The following SEMA3A variants were observed in gnomAD, a reference collection of about 807,000 sequenced individuals.
The protein encoded by SEMA3A is semaphorin 3A.
A neutral mutation model predicts 97.9 loss-of-function variants in SEMA3A; 29 were observed. That is an observed-to-expected ratio of 0.30 (90% confidence interval 0.22 to 0.40). SEMA3A has a LOEUF of 0.40. SEMA3A is among the 10% of genes least tolerant of loss of function. The pLI is 1.00. For synonymous variants in SEMA3A, 321 were observed against 323.7 expected, an observed-to-expected ratio of 0.99 and a Z score of 0.09; for missense variants, 763 against 951.3, an observed-to-expected ratio of 0.80 and a Z score of 2.60.
intron 9 of SEMA3A, among the ~76,000 whole-genome samples, chr7:84,008,710 A>C (rs1584540381): frequency 6.6e-6 from 1 of 152,186 alleles, no homozygotes; most frequent in Non-Finnish European, 1.5e-5. Flanking sequence ...AAACTACTGC[A>C]TATAGACAGC....
chr7:84,249,369 A>ATCTC (rs1341488254), intron 3 of SEMA3A, among the ~76,000 whole-genome samples: 2 of 5,036 alleles, frequency 4.0e-4, no homozygotes, highest in Non-Finnish European at 1.3e-3. Context: ...TCTGTCTATC[A>ATCTC]TCTATCTATC....
chr7:84,399,455 C>T (rs1025692131), intron 1 of SEMA3A, among the ~76,000 whole-genome samples: 1 of 152,142 alleles, frequency 6.6e-6, no homozygotes, highest in African/African-American at 2.4e-5. Context: ...CTGCAGTGGC[C>T]ATGGGAGAGC....
intron 1 of SEMA3A, among the ~76,000 whole-genome samples, chr7:84,426,921 G>A (rs934768000): frequency 1.3e-5 from 2 of 152,048 alleles, no homozygotes; most frequent in Non-Finnish European, 2.9e-5. Context: ...ACACAGTAAA[G>A]TAAAATGTTA....
rs779541929 is a variant in SEMA3A at position 84,427,368 on chromosome 7, T to A, written c.-245-55468A>T. The stretch of plus-strand genomic sequence containing the variant: ...AAACTTTATATAATTGTAGTGAAGA[T>A]TCGACATGAAAAACATTTTGATGTA... On this transcript the variant is annotated intron_variant, in intron 1 of 3. Transcript: ENST00000424555. 7.2e-5 allele frequency among the ~76,000 whole-genome samples: 11 copies of A among 152,172 alleles called. No individual in the cohort carries two copies. In the South Asian group the frequency reaches 2.3e-3, roughly 32 times the overall value.
intron 6 of SEMA3A, among the ~76,000 whole-genome samples, chr7:84,026,160 C>A (rs1327564546): frequency 6.6e-6 from 1 of 152,110 alleles, no homozygotes; most frequent in Admixed American, 6.6e-5. Context: ...ATTGGACTTA[C>A]AAGCATAAAT....
chr7:84,374,157 T>A lies in SEMA3A; in HGVS notation c.-245-2257A>T, dbSNP rs571987778. On this transcript the variant is annotated intron_variant, in intron 1 of 3. Transcript: ENST00000424555. Reference sequence around the variant, plus strand: ...CTCATGCAAACTTTAAGACACTGCATGTCAATGAGAACAAAAGTTGGTAAT... The same window carrying A: ...CTCATGCAAACTTTAAGACACTGCAAGTCAATGAGAACAAAAGTTGGTAAT... Among the ~76,000 whole-genome samples, 11 of 152,304 alleles carry A rather than the reference T, an allele frequency of 7.2e-5. No individual in the cohort carries two copies. In the South Asian group the frequency reaches 2.3e-3, roughly 32 times the overall value.
chr7:84,041,500 CTAT>C (rs1196488551), intron 6 of SEMA3A, among the ~76,000 whole-genome samples: 2 of 152,020 alleles, frequency 1.3e-5, no homozygotes, highest in Admixed American at 6.6e-5. Flanking sequence ...ATAGACATAA[CTAT>C]TATTCTAAAG....
At chr7:84,041,717 T>C (rs1191762936) in intron 6 of SEMA3A, among the ~76,000 whole-genome samples, 1 of 152,108 alleles carries the variant, frequency 6.6e-6, no homozygotes, top group African/African-American at 2.4e-5. Flanking sequence ...AGGACCTTTG[T>C]TGTTGCTGTT....
chr7:84,274,741 C>T (rs1208379099), intron 3 of SEMA3A, among the ~76,000 whole-genome samples: 18 of 151,932 alleles, frequency 1.2e-4, no homozygotes, highest in Admixed American at 1.1e-3. Flanking sequence ...GATTTATTTT[C>T]CAAACAGGGC....
Position 84,411,747 on chromosome 7 carries a change from C to A in SEMA3A, c.-245-39847G>T, listed in dbSNP as rs77528661. On this transcript the variant is annotated intron_variant, in intron 1 of 3. Coordinates refer to the SEMA3A transcript ENST00000424555. Reference sequence around the variant, plus strand: ...GGCATTTTTTATTTTCTCCTGGCAACATGAAACAGCTGGGTTTAAACAACA... The same window carrying A: ...GGCATTTTTTATTTTCTCCTGGCAAAATGAAACAGCTGGGTTTAAACAACA... Among the ~76,000 whole-genome samples, 2,052 of 152,046 alleles carry A rather than the reference C, an allele frequency of 0.013. 94 individuals carry two copies. The East Asian group carries it at 0.16, about 12-fold the overall frequency.
Position 84,028,789 on chromosome 7 carries a change from T to A in SEMA3A, c.668-14438A>T, listed in dbSNP as rs143051851. Among the ~76,000 whole-genome samples the A allele has an allele frequency of 1.5e-3, 221 of 152,064 alleles. 2 individuals carry two copies. The East Asian group carries it at 0.016, about 11-fold the overall frequency. ...CCTGCTAATTTTTATTTTTATTTTT[T>A]TTTGTATTTTTAGTAGAGACGGGGT... On this transcript the variant is annotated intron_variant, in intron 6 of 16. Coordinates refer to ENST00000265362, the MANE Select transcript of SEMA3A (RefSeq NM_006080.3).
chr7:84,119,017 C>T (rs1297036491), intron 3 of SEMA3A, among the ~76,000 whole-genome samples: 1 of 152,096 alleles, frequency 6.6e-6, no homozygotes, highest in Non-Finnish European at 1.5e-5. Flanking sequence ...TTTAAAAATA[C>T]ACACATGCTT....
chr7:84,489,928 T>C (rs1420628945), intron 1 of SEMA3A, among the ~76,000 whole-genome samples: 1 of 152,038 alleles, frequency 6.6e-6, no homozygotes, highest in African/African-American at 2.4e-5. Context: ...TCTAAGCATA[T>C]AGCAATTTTC....
At chr7:84,255,031 A>G (rs1304792258) in intron 3 of SEMA3A, among the ~76,000 whole-genome samples, 2 of 152,144 alleles carry the variant, frequency 1.3e-5, no homozygotes, top group Non-Finnish European at 2.9e-5. Flanking sequence ...TGAAAAGCAG[A>G]CAGAAGTAAG....
chr7:84,429,444 C>CA lies in SEMA3A; in HGVS notation c.-245-57545dup, dbSNP rs559094596. 4.3e-4 allele frequency among the ~76,000 whole-genome samples: 62 copies of CA among 142,740 alleles called. No homozygotes were observed. The Middle Eastern group carries it at 0.015, about 35-fold the overall frequency. 93.6% of individuals were successfully genotyped at this position (142,740 alleles called of 152,430 possible). A position where few individuals can be genotyped will look rare whatever the true frequency, so the allele number is the denominator to read the frequency against. ...TGAAGGTGAATATATCAAATTAACACAAAAAAACTATGCAATATATTATGT... is the reference window on the plus strand; with the variant it reads ...TGAAGGTGAATATATCAAATTAACACAAAAAAAACTATGCAATATATTATGT... On this transcript the variant is annotated intron_variant, in intron 1 of 3. Transcript: ENST00000424555.
chr7:84,383,130 CCTT>C (rs1431345330), intron 1 of SEMA3A, among the ~76,000 whole-genome samples: 1 of 151,934 alleles, frequency 6.6e-6, no homozygotes, highest in South Asian at 2.1e-4. Context: ...AACAAAGAAA[CCTT>C]CTTCTACATT....
chr7:84,257,095 A>G (rs1294540205), intron 3 of SEMA3A, among the ~76,000 whole-genome samples: 1 of 152,078 alleles, frequency 6.6e-6, no homozygotes, highest in African/African-American at 2.4e-5. Context: ...ACAATGTTCC[A>G]TGAATCAAAT....
chr7:84,254,824 T>C (rs1799682119), intron 3 of SEMA3A, among the ~76,000 whole-genome samples: 1 of 152,178 alleles, frequency 6.6e-6, no homozygotes, highest in African/African-American at 2.4e-5. Context: ...TCTATTTTTG[T>C]CTGCTTTTAT....
chr7:84,068,745 G>A (rs1255989941), intron 4 of SEMA3A, among the ~76,000 whole-genome samples: 1 of 152,056 alleles, frequency 6.6e-6, no homozygotes, highest in African/African-American at 2.4e-5. Flanking sequence ...AGGTAGATGA[G>A]AAGTGCTTCC....
Sources: allele counts gnomAD v4.1 joint callset (sites outside exome capture counted in the v4.1 genomes callset), GRCh38; gene constraint gnomAD v4.1.1; transcripts MANE v1.5; gene names NCBI Gene and HGNC (gene_info 2026-07-23, HGNC 2026-07-21).